The following EDIL3 variants were observed in gnomAD, a reference collection of about 807,000 sequenced individuals.
The protein encoded by EDIL3 is EGF like and discoidin domains 3.
Under a neutral mutation model 67.4 loss-of-function variants are expected in EDIL3, and 37 were observed. That is an observed-to-expected ratio of 0.55 (90% CI 0.42 to 0.72). The LOEUF (loss-of-function observed/expected upper bound fraction) is 0.72, where lower values mean the gene tolerates loss of function less well. EDIL3 is among the 30% of genes least tolerant of loss of function. The pLI is 0.00. For synonymous variants in EDIL3, 195 were observed against 196.3 expected, an observed-to-expected ratio of 0.99 and a Z score of 0.05; for missense variants, 527 against 586.3, an observed-to-expected ratio of 0.90 and a Z score of 1.04.
intron 10 of EDIL3, among the ~76,000 whole-genome samples, chr5:83,950,576 A>C (rs1744399046): frequency 6.6e-6 from 1 of 151,852 alleles, no homozygotes; most frequent in Non-Finnish European, 1.5e-5. Flanking sequence ...CAATCCATTG[A>C]AATTTGTTTA....
intron 2 of EDIL3, among the ~76,000 whole-genome samples, chr5:84,248,612 T>C (rs1744959918): frequency 6.6e-6 from 1 of 152,204 alleles, no homozygotes; most frequent in Non-Finnish European, 1.5e-5. Context: ...TCTTAGATAA[T>C]GTCTATCAAA....
intron 1 of EDIL3, among the ~76,000 whole-genome samples, chr5:84,331,558 C>G (rs1746871909): frequency 6.6e-6 from 1 of 152,180 alleles, no homozygotes; most frequent in Admixed American, 6.5e-5. Flanking sequence ...TGTTTGCTTT[C>G]CCTTCCATCA....
intron 1 of EDIL3, among the ~76,000 whole-genome samples, chr5:84,328,035 T>C (rs927912058): frequency 1.3e-5 from 2 of 152,060 alleles, no homozygotes; most frequent in Non-Finnish European, 2.9e-5. Context: ...CAATATTAAA[T>C]TGACCACTTC....
chr5:84,365,035 C>T (rs1163733078), intron 1 of EDIL3, among the ~76,000 whole-genome samples: 2 of 151,858 alleles, frequency 1.3e-5, no homozygotes, highest in Non-Finnish European at 2.9e-5. Context: ...TTGCTGTTCG[C>T]TTGTTTTGAG....
Position 84,384,328 on chromosome 5 carries a change from C to G in EDIL3, c.47G>C (p.Gly16Ala). 1.9e-6 allele frequency: 3 copies of G among 1,611,440 alleles called. No homozygotes were observed. Among genetic ancestry groups the G allele is most frequent in the Non-Finnish European group, 2.5e-6 (3 of 1,178,906 alleles). Residue 16 changes from glycine to alanine, a missense_variant, in exon 1 of 11, where the codon GGT becomes GCT. By Grantham distance (60) the Gly-to-Ala change is moderately conservative. This residue lies in a region of EDIL3 where 494 missense variants were observed against 522.5 expected (regional missense o/e 0.95). Transcript: ENST00000296591. ...AVWLLVGLSL[G>A]VPQFGKGDIC... ...CTTACCTTTGCCGAACTGGGGGACA[C>G]CGAGGCTGAGCCCGACCAAGAGCCA...
chr5:83,957,841 G>C (rs1744540425), intron 10 of EDIL3, among the ~76,000 whole-genome samples: 1 of 151,594 alleles, frequency 6.6e-6, no homozygotes, highest in African/African-American at 2.4e-5. Context: ...ATTAGACTGG[G>C]AGACTGTGTC....
intron 6 of EDIL3, among the ~76,000 whole-genome samples, chr5:84,090,590 A>G (rs1747147953): frequency 6.6e-6 from 1 of 152,164 alleles, no homozygotes; most frequent in African/African-American, 2.4e-5. Flanking sequence ...GATAATTTTT[A>G]TGTGGTTAAA....
chr5:84,072,828 G>A (rs890229780), intron 6 of EDIL3, among the ~76,000 whole-genome samples: 1 of 152,168 alleles, frequency 6.6e-6, no homozygotes, highest in Non-Finnish European at 1.5e-5. Context: ...GAGTAACAGA[G>A]GGGGTGAGAA....
At chr5:84,128,862 C>T (rs1390368547) in intron 5 of EDIL3, among the ~76,000 whole-genome samples, 1 of 152,064 alleles carries the variant, frequency 6.6e-6, no homozygotes. Flanking sequence ...TGGACATATA[C>T]AGTTTAGCAC....
chr5:84,021,682 G>A (rs1339297079), intron 9 of EDIL3, among the ~76,000 whole-genome samples: 4 of 151,910 alleles, frequency 2.6e-5, no homozygotes, highest in Non-Finnish European at 5.9e-5. Flanking sequence ...GCAGTTGTTG[G>A]CTAAAATGTT....
At chr5:84,274,668 C>T (rs1745538392) in intron 1 of EDIL3, among the ~76,000 whole-genome samples, 1 of 151,730 alleles carries the variant, frequency 6.6e-6, no homozygotes, top group African/African-American at 2.4e-5. Flanking sequence ...GGTAAATGGA[C>T]ATAGAAAAAA....
chr5:84,327,609 GT>G (rs1359776444), intron 1 of EDIL3, among the ~76,000 whole-genome samples: 2 of 151,870 alleles, frequency 1.3e-5, no homozygotes, highest in Non-Finnish European at 2.9e-5. Context: ...TTTGGAGTTT[GT>G]TTTTTCTGTG....
chr5:84,370,853 G>A (rs1747828135), intron 1 of EDIL3, among the ~76,000 whole-genome samples: 1 of 151,982 alleles, frequency 6.6e-6, no homozygotes, highest in Non-Finnish European at 1.5e-5. Flanking sequence ...ATAACTTAAT[G>A]GGTCTATCAA....
intron 3 of EDIL3, among the ~76,000 whole-genome samples, chr5:84,217,248 A>G (rs1332297528): frequency 6.6e-6 from 1 of 152,120 alleles, no homozygotes; most frequent in African/African-American, 2.4e-5. Flanking sequence ...CTGCACAGAT[A>G]GGGGCCAACA....
intron 1 of EDIL3, among the ~76,000 whole-genome samples, chr5:84,309,408 T>C (rs999317946): frequency 2.6e-5 from 4 of 151,238 alleles, no homozygotes; most frequent in African/African-American, 7.3e-5. Flanking sequence ...TAGTTACATA[T>C]GTATACATGT....
At chr5:84,238,148 T>G (rs1744714669) in intron 2 of EDIL3, among the ~76,000 whole-genome samples, 1 of 151,086 alleles carries the variant, frequency 6.6e-6, no homozygotes, top group Admixed American at 6.6e-5. Flanking sequence ...TGGCAAACGG[T>G]GTGTGTGTGT....
intron 4 of EDIL3, among the ~76,000 whole-genome samples, chr5:84,152,014 G>A (rs983465646): frequency 4.6e-5 from 7 of 151,352 alleles, no homozygotes; most frequent in East Asian, 1.9e-4. Flanking sequence ...CCTGGGTCCC[G>A]GTTCAAGCAA....
At chr5:84,074,175 T>C (rs1284374886) in intron 6 of EDIL3, among the ~76,000 whole-genome samples, 37 of 150,442 alleles carry the variant, frequency 2.5e-4, no homozygotes, top group African/African-American at 7.9e-4. Context: ...ATCCCTTCCT[T>C]ACACCTTATA....
chr5:84,077,807 TTTC>T lies in EDIL3; in HGVS notation c.652-11204_652-11202del, dbSNP rs1746888100. On this transcript the variant is annotated intron_variant, in intron 6 of 10. Transcript: ENST00000296591. ...TCTTCCTCTTCCCCTCCTCCTCCTC[TTTC>T]TTTTCTCTTCCACTTCTTCTTTTCT... Among the ~76,000 whole-genome samples, 3 of 152,070 alleles carry T rather than the reference TTTC, an allele frequency of 2.0e-5. No homozygotes were observed. The South Asian group carries it at 6.2e-4, about 31-fold the overall frequency.
Sources: gnomAD v4.1 joint callset for allele counts (sites outside exome capture counted in the v4.1 genomes callset) on GRCh38, gnomAD v4.1.1 for gene constraint, gnomAD v4.1.1 regional missense constraint, MANE v1.5 for transcripts, NCBI Gene and HGNC (gene_info 2026-07-23, HGNC 2026-07-21) for gene names.